Variants in PARL observed in about 807,000 individuals in gnomAD.
PARL encodes the protein presenilin-associated rhomboid-like protein, mitochondrial.
Under a neutral mutation model 51.6 loss-of-function variants are expected in PARL, and 44 were observed. The observed-to-expected ratio is 0.85, with a 90% CI of 0.67 to 1.10. PARL has a LOEUF of 1.10. Among genes scored for constraint, PARL ranks in the 50% least tolerant of loss-of-function variants. The pLI, the probability that PARL is intolerant of heterozygous loss-of-function variation, is 0.00. For synonymous variants in PARL, 172 were observed against 164.0 expected, an observed-to-expected ratio of 1.05 and a Z score of -0.37; for missense variants, 441 against 469.5, an observed-to-expected ratio of 0.94 and a Z score of 0.56.
At chr3:183,842,156 T>G (rs1489772043) in intron 6 of PARL, 142 bp downstream of exon 6, 2 of 871,890 alleles carry the variant, frequency 2.3e-6, no homozygotes, top group African/African-American at 3.3e-5. Flanking sequence ...TGTGGCTCCC[T>G]TCTCTACATA....
chr3:183,859,040 C>T (rs1049050893), intron 4 of PARL, among the ~76,000 whole-genome samples: 1 of 152,074 alleles, frequency 6.6e-6, no homozygotes, highest in Non-Finnish European at 1.5e-5. Context: ...GGCGCGGTGG[C>T]TCACGCCTGT....
intron 9 of PARL, among the ~76,000 whole-genome samples, chr3:183,830,219 T>C (rs189193327): frequency 2.6e-5 from 4 of 152,316 alleles, no homozygotes; most frequent in Admixed American, 2.6e-4. Context: ...CGCTTTAAGA[T>C]ACCTAGTTCC....
chr3:183,884,480 C>G (rs1367872029), intron 1 of PARL, among the ~76,000 whole-genome samples: 1 of 152,264 alleles, frequency 6.6e-6, no homozygotes, highest in Non-Finnish European at 1.5e-5. Flanking sequence ...CTTAGTTCCC[C>G]TTCCAGTCAC....
chr3:183,867,679 G>A (rs1262024647), intron 2 of PARL, among the ~76,000 whole-genome samples, 186 bp downstream of exon 2: 2 of 148,586 alleles, frequency 1.3e-5, no homozygotes, highest in African/African-American at 5.0e-5. Flanking sequence ...CAACCTGGGC[G>A]ACAGAGTGAG....
intron 4 of PARL, among the ~76,000 whole-genome samples, chr3:183,861,759 T>C (rs560425831): frequency 6.6e-6 from 1 of 152,330 alleles, no homozygotes; most frequent in African/African-American, 2.4e-5. Flanking sequence ...TTCTTTTCTA[T>C]GCAATCGTTA....
chr3:183,838,359 A>C (rs1468364877), intron 7 of PARL, among the ~76,000 whole-genome samples: 1 of 152,186 alleles, frequency 6.6e-6, no homozygotes, highest in African/African-American at 2.4e-5. Context: ...TCACTAAACC[A>C]AGAGGACTAA....
At chr3:183,841,335 T>C (rs1259382154) in intron 6 of PARL, among the ~76,000 whole-genome samples, 1 of 152,204 alleles carries the variant, frequency 6.6e-6, no homozygotes, top group Non-Finnish European at 1.5e-5. Flanking sequence ...CCAAACACAA[T>C]GCTCAGCTTC....
chr3:183,835,604 C>T lies in PARL; in HGVS notation c.829-1779G>A, dbSNP rs375002484. On this transcript the variant is annotated intron_variant, in intron 7 of 9. Coordinates refer to ENST00000317096, the MANE Select transcript of PARL (RefSeq NM_018622.7). ...AATTGTAGCCGGGCACGGTGGCTCA[C>T]GCCTGTAATCCCAGCACTCTGAGGG... 8.5e-5 allele frequency among the ~76,000 whole-genome samples: 13 copies of T among 152,306 alleles called. No individual in the cohort carries two copies. In the South Asian group the frequency reaches 2.3e-3, roughly 27 times the overall value.
At chr3:183,884,577 CGA>C (rs972072071) in intron 1 of PARL, 143 bp downstream of exon 1, 17 of 781,880 alleles carry the variant, frequency 2.2e-5, no homozygotes, top group Admixed American at 2.1e-4. Flanking sequence ...TGGACGGAGG[CGA>C]GAGAGGAGAG....
chr3:183,860,874 G>A (rs988210038), intron 4 of PARL, among the ~76,000 whole-genome samples: 1 of 146,056 alleles, frequency 6.8e-6, no homozygotes, highest in Non-Finnish European at 1.5e-5. Flanking sequence ...GGAGTGCAGT[G>A]GCGCAATCTT....
At chr3:183,852,788 G>C (rs1730697934) in intron 4 of PARL, among the ~76,000 whole-genome samples, 1 of 152,122 alleles carries the variant, frequency 6.6e-6, no homozygotes, top group Non-Finnish European at 1.5e-5. Flanking sequence ...AAAAAAAATT[G>C]TAGTTGCTGA....
downstream of PARL, among the ~76,000 whole-genome samples, chr3:183,827,833 G>A (rs1727540488): frequency 6.6e-6 from 1 of 152,184 alleles, no homozygotes; most frequent in South Asian, 2.1e-4. Flanking sequence ...CTGTGGGTCT[G>A]GAGCTCAGAA....
chr3:183,880,581 T>C (rs1476158945), intron 1 of PARL, among the ~76,000 whole-genome samples: 3 of 152,046 alleles, frequency 2.0e-5, no homozygotes, highest in Admixed American at 1.3e-4. Flanking sequence ...TTTGTGTTTT[T>C]AGTAGAGAGG....
Position 183,879,036 on chromosome 3 carries a change from A to C in PARL, c.125+5686T>G, listed in dbSNP as rs1422656101. Among the ~76,000 whole-genome samples, 4 of 152,234 alleles carry C rather than the reference A, an allele frequency of 2.6e-5. No individual in the cohort carries two copies. In the East Asian group the frequency reaches 7.7e-4, roughly 29 times the overall value. The stretch of plus-strand genomic sequence containing the variant: ...GAACCTGATTCCTCACTCTTCCAAC[A>C]ATACTTGTACTTAAATTAGAATGGT... On this transcript the variant is annotated intron_variant, in intron 1 of 9. Coordinates refer to ENST00000317096, the MANE Select transcript of PARL (RefSeq NM_018622.7).
chr3:183,871,701 G>A (rs1156552218), intron 1 of PARL, among the ~76,000 whole-genome samples: 1 of 152,112 alleles, frequency 6.6e-6, no homozygotes, highest in Non-Finnish European at 1.5e-5. Context: ...AATATTAGAT[G>A]AGCGATTGCC....
chr3:183,847,195 C>T (rs961834514), intron 4 of PARL, among the ~76,000 whole-genome samples: 1 of 152,166 alleles, frequency 6.6e-6, no homozygotes, highest in African/African-American at 2.4e-5. Context: ...TACATTATAA[C>T]CTGGGGAAGA....
chr3:183,876,799 G>A (rs984890722), intron 1 of PARL, among the ~76,000 whole-genome samples: 2 of 152,162 alleles, frequency 1.3e-5, no homozygotes, highest in African/African-American at 2.4e-5. Flanking sequence ...TGATTCATGA[G>A]AGGAGGTCAA....
At chr3:183,856,288 C>T (rs775947014) in intron 4 of PARL, 1 of 152,144 alleles carries the variant, frequency 6.6e-6, no homozygotes, top group Non-Finnish European at 1.5e-5. Context: ...CACAGATCCC[C>T]TCTGTTTCTG....
In PARL at chr3:183,868,080, G is replaced by C. The variant is rs779142397; in HGVS notation, c.126-20C>G. 3 of 1,580,526 alleles carry C rather than the reference G, an allele frequency of 1.9e-6. No individual in the cohort carries two copies. In the South Asian group the frequency reaches 3.3e-5, roughly 17 times the overall value. ...TTAAACCTATGGGGCAAAAATAACA[G>C]ATGAGAAACACAGTAGCGTCTTGCA... On this transcript the variant is annotated intron_variant, in intron 1 of 9. Transcript: ENST00000317096.
Sources: gnomAD v4.1 joint callset for allele counts (sites outside exome capture counted in the v4.1 genomes callset) on GRCh38, gnomAD v4.1.1 for gene constraint, MANE v1.5 for transcripts, NCBI Gene and HGNC (gene_info 2026-07-23, HGNC 2026-07-21) for gene names.